TJP2: variants seen among roughly 807,000 people sequenced by gnomAD.
TJP2 encodes the protein tight junction protein 2.
Under a neutral mutation model 133.1 loss-of-function variants are expected in TJP2, and 91 were observed. The observed-to-expected ratio is 0.68, with a 90% CI of 0.58 to 0.81. TJP2 has a LOEUF of 0.81. Ranked by LOEUF, TJP2 falls within the 40% of genes least tolerant of loss-of-function variation. The pLI is 0.00. For synonymous variants in TJP2, 592 were observed against 583.4 expected, an observed-to-expected ratio of 1.01 and a Z score of -0.21; for missense variants, 1,541 against 1,565.6, an observed-to-expected ratio of 0.98 and a Z score of 0.26.
upstream of TJP2, among the ~76,000 whole-genome samples, chr9:69,172,397 A>G (rs1169270733): frequency 6.6e-6 from 1 of 152,244 alleles, no homozygotes; most frequent in Non-Finnish European, 1.5e-5. Flanking sequence ...GCACTGTCCA[A>G]TAGGGTAGCT....
intron 2 of TJP2, among the ~76,000 whole-genome samples, chr9:69,161,835 G>A (rs1300644500): frequency 1.3e-5 from 2 of 150,150 alleles, no homozygotes; most frequent in Non-Finnish European, 3.0e-5. Flanking sequence ...ATCACCTGAG[G>A]TCAGGAATTT....
intron 1 of TJP2, among the ~76,000 whole-genome samples, chr9:69,143,646 G>A (rs867924526): frequency 6.6e-6 from 1 of 152,164 alleles, no homozygotes; most frequent in Non-Finnish European, 1.5e-5. Context: ...TTTAGCCCTT[G>A]TTTTTTACTT....
chr9:69,200,910 A>G (rs1332187904), intron 1 of TJP2, among the ~76,000 whole-genome samples: 2 of 152,092 alleles, frequency 1.3e-5, no homozygotes, highest in Admixed American at 6.5e-5. Flanking sequence ...ACCTGAGATG[A>G]TGATATATAT....
chr9:69,138,725 C>G (rs1023545375), intron 1 of TJP2, among the ~76,000 whole-genome samples: 6 of 152,052 alleles, frequency 3.9e-5, no homozygotes, highest in Non-Finnish European at 7.4e-5. Context: ...TGAGATCAGC[C>G]TGACCAACAT....
chr9:69,192,389 C>G (rs1426124154), intron 1 of TJP2, among the ~76,000 whole-genome samples: 1 of 152,134 alleles, frequency 6.6e-6, no homozygotes, highest in African/African-American at 2.4e-5. Context: ...AGAGATCATA[C>G]AGCTGGCTAG....
At chr9:69,232,240 C>T (rs964140429) in intron 11 of TJP2, among the ~76,000 whole-genome samples, 5 of 152,110 alleles carry the variant, frequency 3.3e-5, no homozygotes, top group African/African-American at 1.2e-4. Flanking sequence ...TTCTTGGGTG[C>T]GAATAAATTT....
chr9:69,248,551 T>C, intron 19 of TJP2: 5 of 1,241,790 alleles, frequency 4.0e-6, no homozygotes, highest in Non-Finnish European at 5.0e-6. Flanking sequence ...TTGTTGTATG[T>C]ACTTGTAACC....
chr9:69,155,542 G>A (rs550466152), intron 2 of TJP2, among the ~76,000 whole-genome samples: 2 of 152,368 alleles, frequency 1.3e-5, no homozygotes, highest in African/African-American at 4.8e-5. Context: ...TGCATGTCTG[G>A]TTTCCACTAC....
At chr9:69,251,934 G>A (rs748682785) in intron 21 of TJP2, among the ~76,000 whole-genome samples, 1 of 152,060 alleles carries the variant, frequency 6.6e-6, no homozygotes, top group Non-Finnish European at 1.5e-5. Flanking sequence ...TTTTCTTGTC[G>A]TAAAATATAC....
At chr9:69,209,533 C>T (rs1827700094) in intron 1 of TJP2, among the ~76,000 whole-genome samples, 1 of 150,984 alleles carries the variant, frequency 6.6e-6, no homozygotes, top group South Asian at 2.1e-4. Flanking sequence ...GTGGGCGGAT[C>T]ATCTAAGGTT....
At position 69,224,068 on chromosome 9, in the gene TJP2, A is replaced by G. The variant is rs185792160; in HGVS notation, c.953-1236A>G. Among the ~76,000 whole-genome samples, 455 of 152,370 alleles carry G rather than the reference A, an allele frequency of 3.0e-3. 1 individual carries two copies. Among genetic ancestry groups the G allele is most frequent in the African/African-American group, 0.01 (435 of 41,592 alleles). On this transcript the variant is annotated intron_variant, in intron 5 of 22. Transcript: ENST00000377245. ...TACAAGTTTATTAAGTAAAACCAGA[A>G]GAGTCTTAAGTAGCATTGAAAGTAT...
rs1830469852 is a variant in TJP2, at chr9:69,239,937, G to T, written c.2356G>T (p.Asp786Tyr). The T allele has an allele frequency of 6.2e-7, 1 of 1,613,456 alleles. No individual in the cohort carries two copies. Residue 786 changes from aspartate (D) to tyrosine (Y), a missense_variant and splice_region_variant, in exon 17 of 23, where the codon GAT (aspartate) becomes TAT (tyrosine). Coordinates refer to ENST00000377245, the MANE Select transcript of TJP2 (RefSeq NM_004817.4). The stretch of plus-strand genomic sequence containing the variant: ...CTAACTTTTCCCCTTTTGTAAACAG[G>T]ATAAGCATGCACTACTGGATGTGAC... ...LNTVRQIIEQ[D>Y]KHALLDVTPK...
chr9:69,146,512 T>A (rs2133314297), intron 1 of TJP2, among the ~76,000 whole-genome samples: 1 of 152,358 alleles, frequency 6.6e-6, no homozygotes, highest in Non-Finnish European at 1.5e-5. Context: ...TAGCAAATAT[T>A]TCTTTTTAAC....
Position 69,190,051 on chromosome 9 carries a change from A to G in TJP2, c.60+15619A>G, listed in dbSNP as rs970838383. Among the ~76,000 whole-genome samples, 23 of 45,116 alleles carry G rather than the reference A, an allele frequency of 5.1e-4. 5 individuals carry two copies. The highest frequency in any genetic ancestry group is 1.7e-3 in the African/African-American group (21 of 12,134). 29.6% of individuals were successfully genotyped at this position (45,116 alleles called of 152,430 possible). On this transcript the variant is annotated intron_variant, in intron 1 of 22. Coordinates refer to ENST00000377245, the MANE Select transcript of TJP2 (RefSeq NM_004817.4). ...CATGAACCTGGGAGGTGGAGTTTGC[A>G]GTGAGCCAAGATGGCGCCACTGCAC...
At chr9:69,224,950 T>G (rs1011017224) in intron 5 of TJP2, among the ~76,000 whole-genome samples, 5 of 152,166 alleles carry the variant, frequency 3.3e-5, no homozygotes, top group Non-Finnish European at 7.3e-5. Context: ...CGTAATACCA[T>G]TATAACACTT....
At chr9:69,232,425 G>A (rs1258719640) in intron 11 of TJP2, among the ~76,000 whole-genome samples, 2 of 152,290 alleles carry the variant, frequency 1.3e-5, no homozygotes, top group African/African-American at 2.4e-5. Context: ...TAATCAAAGA[G>A]GATATTTATT....
At chr9:69,196,460 G>A (rs1207203941) in intron 1 of TJP2, among the ~76,000 whole-genome samples, 2 of 152,176 alleles carry the variant, frequency 1.3e-5, no homozygotes, top group African/African-American at 4.8e-5. Context: ...CCTTAGAGAG[G>A]TGGGTCTTGT....
chr9:69,219,884 G>A (rs907730507), intron 4 of TJP2, among the ~76,000 whole-genome samples: 1 of 151,872 alleles, frequency 6.6e-6, no homozygotes, highest in African/African-American at 2.4e-5. Context: ...ATTGGGCCAG[G>A]TTCAGTGGTT....
chr9:69,204,639 C>T (rs1482740741), intron 1 of TJP2, among the ~76,000 whole-genome samples: 1 of 152,220 alleles, frequency 6.6e-6, no homozygotes, highest in Non-Finnish European at 1.5e-5. Flanking sequence ...CTTGTTATCT[C>T]CAAGGACGTA....
Sources: gnomAD v4.1 joint callset for allele counts (sites outside exome capture counted in the v4.1 genomes callset) on GRCh38, gnomAD v4.1.1 for gene constraint, MANE v1.5 for transcripts, NCBI Gene and HGNC (gene_info 2026-07-23, HGNC 2026-07-21) for gene names.